Variants in IQGAP2 observed in about 807,000 individuals in gnomAD.
IQGAP2 encodes ras GTPase-activating-like protein IQGAP2.
A neutral mutation model predicts 201.3 loss-of-function variants in IQGAP2; 173 were observed. The ratio of observed to expected loss-of-function variants is 0.86; its 90% CI spans 0.76 to 0.98. IQGAP2 has a LOEUF of 0.98. Among genes scored for constraint, IQGAP2 ranks in the 50% least tolerant of loss-of-function variants. The probability of loss-of-function intolerance (pLI) is 0.00; values close to 1 mark genes in which losing one functional copy is unlikely to be tolerated. For missense variants in IQGAP2, 1,687 were observed against 1,864.8 expected (o/e 0.90, Z 1.76); for synonymous variants, 675 against 673.9 (o/e 1.00, Z -0.03).
At chr5:76,656,218 GTTTTTTGT>G (rs1195304156) in intron 20 of IQGAP2, among the ~76,000 whole-genome samples, 9 of 89,948 alleles carry the variant, frequency 1.0e-4, no homozygotes, top group African/African-American at 1.3e-4. Context: ...TTTGTTTTTT[GTTTTTTGT>G]TTTTTTTTTT....
intron 21 of IQGAP2, chr5:76,660,127 A>G (rs1399945407): frequency 6.6e-6 from 1 of 152,184 alleles, no homozygotes; most frequent in African/African-American, 2.4e-5. Flanking sequence ...CAACCAAGCG[A>G]ACGTTCTGGA....
chr5:76,564,489 C>T (rs1485150363), intron 3 of IQGAP2, among the ~76,000 whole-genome samples: 2 of 152,194 alleles, frequency 1.3e-5, no homozygotes, highest in Non-Finnish European at 2.9e-5. Context: ...AGCCTCAGAG[C>T]AGTATGTGTG....
chr5:76,450,514 GTAA>G (rs1318600018), intron 1 of IQGAP2, among the ~76,000 whole-genome samples: 1 of 152,102 alleles, frequency 6.6e-6, no homozygotes, highest in African/African-American at 2.4e-5. Flanking sequence ...TTAAGTGGAG[GTAA>G]TAATAGGAGG....
intron 14 of IQGAP2, 69 bp downstream of exon 14, chr5:76,627,569 G>A (rs1750357368): frequency 1.3e-6 from 1 of 784,750 alleles, no homozygotes; most frequent in South Asian, 1.6e-5. Context: ...GAAGTCATGT[G>A]ATTTTTAATT....
chr5:76,427,029 A>G (rs200878279), intron 1 of IQGAP2, among the ~76,000 whole-genome samples: 1 of 61,592 alleles, frequency 1.6e-5, no homozygotes, highest in Non-Finnish European at 5.8e-5. Context: ...AGAAAATAAC[A>G]TTAGAGTTAA....
At chr5:76,415,942 C>CAAAAAAAAA (rs11394699) in intron 1 of IQGAP2, among the ~76,000 whole-genome samples, 1 of 135,724 alleles carries the variant, frequency 7.4e-6, no homozygotes. Context: ...GTAACTGTCT[C>CAAAAAAAAA]AAAAAAAAAA....
intron 2 of IQGAP2, among the ~76,000 whole-genome samples, chr5:76,497,392 C>G (rs537219710): frequency 6.6e-6 from 1 of 152,234 alleles, no homozygotes; most frequent in African/African-American, 2.4e-5. Flanking sequence ...AATATCCCTG[C>G]AAAGGTGATT....
chr5:76,511,495 G>A (rs568576472), intron 2 of IQGAP2, among the ~76,000 whole-genome samples: 7 of 152,186 alleles, frequency 4.6e-5, no homozygotes, highest in Non-Finnish European at 8.8e-5. Context: ...GCCTGAGCTA[G>A]CTACCACTGC....
intron 2 of IQGAP2, chr5:76,510,443 C>T: frequency 3.4e-6 from 1 of 291,376 alleles, no homozygotes; most frequent in Non-Finnish European, 6.8e-6. Context: ...AGGGGTGGCG[C>T]CTGAGGGTCC....
Position 76,647,304 on chromosome 5 carries a change from T to G in IQGAP2, c.2095-5446T>G, listed in dbSNP as rs557381226. Among the ~76,000 whole-genome samples the G allele has an allele frequency of 3.9e-5, 6 of 152,282 alleles. No homozygotes were observed. In the East Asian group the frequency reaches 7.7e-4, roughly 20 times the overall value. ...TGGTGAGTTCTTTGAGTTTTCTTTT[T>G]GTTTATATTTTTCTGACCTGGAGCT... On this transcript the variant is annotated intron_variant, in intron 17 of 35. Transcript: ENST00000274364.
At chr5:76,685,009 C>T (rs1427165585) in intron 30 of IQGAP2, among the ~76,000 whole-genome samples, 5 of 152,096 alleles carry the variant, frequency 3.3e-5, no homozygotes, top group East Asian at 1.9e-4. Flanking sequence ...TGTGTTCATG[C>T]GCTGGGCTTG....
At chr5:76,526,562 A>C (rs1487978546) in intron 2 of IQGAP2, among the ~76,000 whole-genome samples, 1 of 152,208 alleles carries the variant, frequency 6.6e-6, no homozygotes, top group East Asian at 1.9e-4. Context: ...GCAAAGAAAC[A>C]GCTTTTTGTT....
intron 2 of IQGAP2, among the ~76,000 whole-genome samples, chr5:76,487,248 A>G (rs1447944776): frequency 6.6e-6 from 1 of 151,824 alleles, no homozygotes; most frequent in Admixed American, 6.6e-5. Context: ...ACAGGTGCCC[A>G]CCACCACGCC....
chr5:76,701,041 T>A (rs2150560995), intron 33 of IQGAP2, 35 bp from the exon 34 acceptor site: 1 of 1,610,898 alleles, frequency 6.2e-7, no homozygotes, highest in South Asian at 1.1e-5. Flanking sequence ...GCATTTGCCA[T>A]CATAACAACA....
intron 11 of IQGAP2, among the ~76,000 whole-genome samples, chr5:76,604,333 A>G (rs1747650500): frequency 6.6e-6 from 1 of 151,704 alleles, no homozygotes; most frequent in Non-Finnish European, 1.5e-5. Context: ...ATGGCTGCAT[A>G]GTATTCCATG....
At chr5:76,673,327 G>A in intron 24 of IQGAP2, 122 bp from the exon 25 acceptor site, 2 of 936,330 alleles carry the variant, frequency 2.1e-6, no homozygotes, top group South Asian at 2.1e-5. Context: ...TAAACATTTT[G>A]TTACTGGAGT....
intron 1 of IQGAP2, among the ~76,000 whole-genome samples, chr5:76,442,854 G>GT (rs1753129066): frequency 6.6e-6 from 1 of 152,166 alleles, no homozygotes; most frequent in African/African-American, 2.4e-5. Flanking sequence ...AGGCATGGTG[G>GT]TGGGTGCCTG....
At chr5:76,488,194 T>A (rs528885434) in intron 2 of IQGAP2, among the ~76,000 whole-genome samples, 3 of 152,338 alleles carry the variant, frequency 2.0e-5, no homozygotes, top group Admixed American at 6.5e-5. Context: ...AGCTGTCAAT[T>A]CCTAATCCTC....
At chr5:76,622,330 A>C (rs189892017) in intron 13 of IQGAP2, among the ~76,000 whole-genome samples, 26 of 152,336 alleles carry the variant, frequency 1.7e-4, no homozygotes, top group African/African-American at 6.0e-4. Context: ...GCTTACTGCT[A>C]ATCACCACAG....
Sources: allele counts gnomAD v4.1 joint callset (sites outside exome capture counted in the v4.1 genomes callset), GRCh38; gene constraint gnomAD v4.1.1; transcripts MANE v1.5; gene names NCBI Gene and HGNC (gene_info 2026-07-23, HGNC 2026-07-21).